SEPTIN8: variants seen among roughly 807,000 people sequenced by gnomAD.
SEPTIN8 encodes septin-8.
In SEPTIN8, 22 loss-of-function variants were observed where a neutral mutation model predicts 53.1. The observed-to-expected ratio is 0.41, with a 90% CI of 0.30 to 0.59. The LOEUF (loss-of-function observed/expected upper bound fraction) is 0.59. Ranked by LOEUF, SEPTIN8 falls within the 20% of genes least tolerant of loss-of-function variation. SEPTIN8 has a pLI of 0.24. For synonymous variants in SEPTIN8, 228 were observed against 248.4 expected, an observed-to-expected ratio of 0.92 and a Z score of 0.77; for missense variants, 536 against 638.7, an observed-to-expected ratio of 0.84 and a Z score of 1.73.
intron 9 of SEPTIN8, chr5:132,753,765 TCCAA>T (rs965486061): frequency 6.6e-5 from 10 of 152,452 alleles, no homozygotes; most frequent in Admixed American, 5.9e-4. Context: ...CCAAGCCTGC[TCCAA>T]CCACAGTGCT....
intron 3 of SEPTIN8, 42 bp downstream of exon 3, chr5:132,764,182 G>C: frequency 6.4e-7 from 1 of 1,572,858 alleles, no homozygotes; most frequent in Middle Eastern, 2.1e-4. Context: ...ATGTAGGTGG[G>C]GTGGGAGGAG....
Position 132,760,779 on chromosome 5 carries a change from C to A in SEPTIN8, c.1286+23G>T. The A allele has an allele frequency of 1.2e-6, 2 of 1,603,866 alleles. No homozygotes were observed. On this transcript the variant is annotated intron_variant, in intron 9 of 9. Coordinates refer to ENST00000378719, the MANE Select transcript of SEPTIN8 (RefSeq NM_001098811.2). The surrounding 1 kb of genome is among the most constrained non-coding windows in gnomAD (Gnocchi z 5.2). ...AGCCCACAGGAGCAAGAGGAGCCAG[C>A]GCAGGCGCAGCCTGCCACCTACTTC... is the stretch of plus-strand genomic sequence containing the variant.
intron 9 of SEPTIN8, among the ~76,000 whole-genome samples, chr5:132,759,391 A>C (rs1400882999): frequency 2.6e-5 from 4 of 152,142 alleles, no homozygotes; most frequent in African/African-American, 7.2e-5. Context: ...CCCCACCCCG[A>C]GGGCTGTGCT....
intron 3 of SEPTIN8, 137 bp from the exon 4 acceptor site, chr5:132,764,029 G>T: frequency 9.8e-7 from 1 of 1,019,662 alleles, no homozygotes; most frequent in East Asian, 2.5e-5. Context: ...TGAGATCCCT[G>T]ACTGGATACA....
chr5:132,757,841 A>G, intron 9 of SEPTIN8: 1 of 985,416 alleles, frequency 1.0e-6, no homozygotes, highest in Non-Finnish European at 1.2e-6. Context: ...AATTGTCTAT[A>G]TACATCAGAC....
Position 132,752,127 on chromosome 5 carries a change from C to T in SEPTIN8, c.1341G>A (p.Val447=), listed in dbSNP as rs375318962. ...QPGMSLSSSK[V]MMTKASVEPL... is the part of the protein sequence containing the mutation. ...GCTCCACACTGGCCTTGGTCATCAT[C>T]ACCTTAGAGCTGGAGAGGCTCATGC... Residue 447 remains valine, a synonymous_variant, in exon 10 of 10, where the codon GTG becomes GTA. Transcript: ENST00000378719. The T allele has an allele frequency of 2.3e-5, 37 of 1,598,174 alleles. No homozygotes were observed. The highest frequency in any genetic ancestry group is 3.1e-5 in the Non-Finnish European group (36 of 1,171,814).
At position 132,760,612 on chromosome 5, in the gene SEPTIN8, C is replaced by G. The variant is rs1755810855; in HGVS notation, c.1286+190G>C. Among the ~76,000 whole-genome samples, 1 of 142,550 alleles carries G rather than the reference C, an allele frequency of 7.0e-6. No individual in the cohort carries two copies. Among genetic ancestry groups the G allele is most frequent in the Non-Finnish European group, 1.5e-5 (1 of 67,730 alleles). 93.5% of individuals were successfully genotyped at this position (142,550 alleles called of 152,430 possible). ...TCAGAGCAATCCAGACGGCGAGACA[C>G]TGGATCACTAGTGAAAGAAAAAGGC... is the stretch of plus-strand genomic sequence containing the variant. On this transcript the variant is annotated intron_variant, in intron 9 of 9. Coordinates refer to ENST00000378719, the MANE Select transcript of SEPTIN8 (RefSeq NM_001098811.2). The surrounding 1 kb of genome is among the most constrained non-coding windows in gnomAD (Gnocchi z 5.2).
In SEPTIN8 at chr5:132,751,965, G is replaced by A; in HGVS notation, c.*51C>T. ...CTAACATTAAAAACCATGGTCTCCA[G>A]TTCCATGCCCTGGTGGTCCTGAGCT... On this transcript the variant is annotated 3_prime_UTR_variant, in exon 10 of 10. Coordinates refer to ENST00000378719, the MANE Select transcript of SEPTIN8 (RefSeq NM_001098811.2). 1 of 1,608,416 alleles carries A rather than the reference G, an allele frequency of 6.2e-7. No individual in the cohort carries two copies. Among genetic ancestry groups the A allele is most frequent in the Non-Finnish European group, 8.5e-7 (1 of 1,177,468 alleles).
chr5:132,761,743 A>C lies in SEPTIN8; in HGVS notation c.793+57T>G. 1 of 1,579,658 alleles carries C rather than the reference A, an allele frequency of 6.3e-7. No individual in the cohort carries two copies. Among genetic ancestry groups the C allele is most frequent in the Non-Finnish European group, 8.6e-7 (1 of 1,158,558 alleles). ...AACAGCACAGGGTACTACAGGCAGC[A>C]GGGCAGGCCAGGGAACTCAGTTCTA... On this transcript the variant is annotated intron_variant, in intron 6 of 9. Coordinates refer to ENST00000378719, the MANE Select transcript of SEPTIN8 (RefSeq NM_001098811.2). The surrounding 1 kb of genome is among the most constrained non-coding windows in gnomAD (Gnocchi z 5.8).
rs1476593986 is a variant in SEPTIN8 at position 132,750,993 on chromosome 5, C to T, written c.*1023G>A. 4.1e-5 allele frequency: 66 copies of T among 1,613,420 alleles called. No individual in the cohort carries two copies. Among genetic ancestry groups the T allele is most frequent in the Non-Finnish European group, 5.4e-5 (64 of 1,179,874 alleles). ...ATTGGGACGCCGCTGGACTTCTTGA[C>T]TATAGTGAGTAAGGAGGTGTTTACA... On this transcript the variant is annotated 3_prime_UTR_variant, in exon 10 of 10. Transcript: ENST00000378719.
Position 132,770,020 on chromosome 5 carries a change from TATACACAC to T in SEPTIN8, c.31-4499_31-4492del, listed in dbSNP as rs1561767848. On this transcript the variant is annotated intron_variant, in intron 1 of 9. Coordinates refer to ENST00000378719, the MANE Select transcript of SEPTIN8 (RefSeq NM_001098811.2). ...ATATATATATATATATATATATATATATACACACACATATATATATATGTGTGTGTGTG... is the reference window on the plus strand; with the variant it reads ...ATATATATATATATATATATATATATACATATATATATATGTGTGTGTGTG... Among the ~76,000 whole-genome samples, 28 of 34,306 alleles carry T rather than the reference TATACACAC, an allele frequency of 8.2e-4. 1 individual carries two copies. The highest frequency in any genetic ancestry group is 3.4e-3 in the African/African-American group (28 of 8,320). The allele number at this position is 34,306 out of a possible 152,430, so 22.5% of individuals were successfully genotyped here. A position where few individuals can be genotyped will look rare whatever the true frequency, so the allele number is the denominator to read the frequency against.
chr5:132,764,787 A>T (rs1325567690), intron 2 of SEPTIN8, among the ~76,000 whole-genome samples: 5 of 152,164 alleles, frequency 3.3e-5, no homozygotes, highest in Admixed American at 6.5e-5. Flanking sequence ...TCCTGGGACC[A>T]GGGTGGTCAT....
intron 9 of SEPTIN8, chr5:132,755,882 G>A: frequency 1.3e-6 from 1 of 799,746 alleles, no homozygotes; most frequent in East Asian, 1.3e-4. Flanking sequence ...TACAGAAGTA[G>A]ATCAACCTCC....
At chr5:132,775,443 G>A (rs1757701315) in intron 1 of SEPTIN8, among the ~76,000 whole-genome samples, 1 of 152,112 alleles carries the variant, frequency 6.6e-6, no homozygotes, top group African/African-American at 2.4e-5. Context: ...TACCTCCCCT[G>A]GATTCTCTTG....
upstream of SEPTIN8, among the ~76,000 whole-genome samples, chr5:132,779,645 T>A (rs1758010088): frequency 6.6e-6 from 1 of 152,260 alleles, no homozygotes; most frequent in Non-Finnish European, 1.5e-5. Flanking sequence ...TGTTGTCAAG[T>A]GTACTTGTTA....
chr5:132,763,218 A>C (rs570839032), intron 4 of SEPTIN8, among the ~76,000 whole-genome samples: 74 of 152,064 alleles, frequency 4.9e-4, no homozygotes, highest in African/African-American at 1.4e-3. Context: ...CCCCTACAGT[A>C]CCCACCCCTC....
At chr5:132,759,002 C>T in intron 9 of SEPTIN8, 1 of 745,718 alleles carries the variant, frequency 1.3e-6, no homozygotes, top group Non-Finnish European at 2.4e-6. Context: ...GGCTAAGGGT[C>T]AAGATCTGAT....
chr5:132,777,173 G>A lies in SEPTIN8; in HGVS notation c.-36C>T. 8.6e-7 allele frequency: 1 copy of A among 1,165,954 alleles called. No homozygotes were observed. The highest frequency in any genetic ancestry group is 1.1e-6 in the Non-Finnish European group (1 of 944,922). 72.2% of individuals were successfully genotyped at this position (1,165,954 alleles called of 1,614,324 possible). A position where few individuals can be genotyped will look rare whatever the true frequency, so the allele number is the denominator to read the frequency against. On this transcript the variant is annotated 5_prime_UTR_variant, in exon 1 of 10. Transcript: ENST00000378719. The surrounding 1 kb of genome is among the most constrained non-coding windows in gnomAD (Gnocchi z 4.1). The stretch of plus-strand genomic sequence containing the variant: ...GCACCGGGCGGGTGGGCTGGGACGA[G>A]CGCAGGGGCAGCGACAGGGACCAGC...
intron 9 of SEPTIN8, among the ~76,000 whole-genome samples, chr5:132,755,530 C>T (rs1755247985): frequency 6.6e-6 from 1 of 152,180 alleles, no homozygotes; most frequent in Non-Finnish European, 1.5e-5. Context: ...TGGGTAATTA[C>T]TTAAACCTCT....
Sources: allele counts gnomAD v4.1 joint callset (sites outside exome capture counted in the v4.1 genomes callset), GRCh38; gene constraint gnomAD v4.1.1; non-coding constraint Gnocchi (gnomAD v3.1); transcripts MANE v1.5; gene names NCBI Gene and HGNC (gene_info 2026-07-23, HGNC 2026-07-21).